THBS4: variants seen among roughly 807,000 people sequenced by gnomAD.
The protein encoded by THBS4 is thrombospondin 4, also known as thrombospondin-4.
In THBS4, 90 loss-of-function variants were observed where a neutral mutation model predicts 115.7. The ratio of observed to expected loss-of-function variants is 0.78; its 90% CI spans 0.66 to 0.93. The LOEUF (loss-of-function observed/expected upper bound fraction) is 0.93, where lower values mean the gene tolerates loss of function less well. Among genes scored for constraint, THBS4 ranks in the 40% least tolerant of loss-of-function variants. The pLI is 0.00. For missense variants in THBS4, 1,087 were observed against 1,232.7 expected, an observed-to-expected ratio of 0.88 and a Z score of 1.77; for synonymous variants, 460 against 479.3, an observed-to-expected ratio of 0.96 and a Z score of 0.53.
chr5:80,061,859 A>AT lies in THBS4; in HGVS notation c.1125+30dup, dbSNP rs756640805. ...TAGGCTGAAGTCATGGTTTCTATTC[A>AT]TTTCTCATCTTAACAAAACAACTGT... On this transcript the variant is annotated intron_variant, in intron 8 of 21. Coordinates refer to ENST00000350881, the MANE Select transcript of THBS4 (RefSeq NM_003248.6). The AT allele has an allele frequency of 1.4e-5, 23 of 1,586,706 alleles. No individual in the cohort carries two copies. The East Asian group carries it at 5.2e-4, about 36-fold the overall frequency.
At chr5:80,023,983 C>T (rs115415538) in intron 2 of THBS4, among the ~76,000 whole-genome samples, 1,769 of 152,134 alleles carry the variant, frequency 0.012, 41 homozygotes, top group African/African-American at 0.041. Flanking sequence ...CTAGGGCCCA[C>T]CTCCCCACAC....
In THBS4 at chr5:80,082,538, C is replaced by T. The variant is rs748171970; in HGVS notation, c.2817C>T (p.Arg939=). The T allele has an allele frequency of 1.7e-5, 28 of 1,614,072 alleles. No individual in the cohort carries two copies. The highest frequency in any genetic ancestry group is 2.7e-5 in the African/African-American group (2 of 74,926). Residue 939 remains arginine, a synonymous_variant, in exon 21 of 22, where the codon CGC becomes CGT. Coordinates refer to ENST00000350881, the MANE Select transcript of THBS4 (RefSeq NM_003248.6). ...ENIIWSNLKY[R]CNDTIPEDFQ... ...TCATCTGGTCCAACCTCAAGTATCG[C>T]TGCAATGGTAATGTGCATTCTCGTT...
At position 79,993,187 on chromosome 5, in the gene THBS4, C is replaced by A. The variant is rs142131440; in HGVS notation, n.81+1775C>A. Among the ~76,000 whole-genome samples, 453 of 152,330 alleles carry A rather than the reference C, an allele frequency of 3.0e-3. 5 individuals are homozygous for A. Among genetic ancestry groups the A allele is most frequent in the African/African-American group, 0.01 (424 of 41,570 alleles). On this transcript the variant is annotated intron_variant and non_coding_transcript_variant, in intron 1 of 3. Transcript: ENST00000510218. ...CATTTGCATTAAAGAGAAATTAAAT[C>A]TCTTCCCTTAGTGTTGAATTGAGAC...
At position 80,009,022 on chromosome 5, in the gene THBS4, G is replaced by C. The variant is rs536524074; in HGVS notation, n.177+10595G>C. 1.2e-4 allele frequency among the ~76,000 whole-genome samples: 19 copies of C among 152,326 alleles called. 1 individual carries two copies. In the South Asian group the frequency reaches 3.9e-3, roughly 32 times the overall value. On this transcript the variant is annotated intron_variant and non_coding_transcript_variant, in intron 2 of 3. Transcript: ENST00000510218. ...CAATGGAAATGGCTGAGGAACTAGA[G>C]AGCTGGTAGACGTGGGATTATTTTG...
At chr5:80,043,899 G>C (rs1002246716) in intron 2 of THBS4, among the ~76,000 whole-genome samples, 2 of 152,124 alleles carry the variant, frequency 1.3e-5, no homozygotes, top group African/African-American at 4.8e-5. Flanking sequence ...CTTCCACTCT[G>C]CATGGCCCCA....
At chr5:80,058,934 G>C in intron 5 of THBS4, 144 bp downstream of exon 5, 1 of 726,620 alleles carries the variant, frequency 1.4e-6, no homozygotes, top group Non-Finnish European at 2.2e-6. Flanking sequence ...GCACGCCAGG[G>C]CTCTGCTGGA....
chr5:80,046,845 G>C (rs1000244940), intron 2 of THBS4, among the ~76,000 whole-genome samples: 5 of 152,154 alleles, frequency 3.3e-5, no homozygotes, highest in Non-Finnish European at 7.3e-5. Flanking sequence ...TCAGTGACTT[G>C]AGCAAAGACA....
At chr5:79,995,363 C>A (rs952576719) in intron 1 of THBS4, among the ~76,000 whole-genome samples, 4 of 152,072 alleles carry the variant, frequency 2.6e-5, no homozygotes, top group Admixed American at 2.6e-4. Context: ...CACTTGGCAC[C>A]CTTCCGCTGA....
chr5:80,024,593 G>A (rs541748609), intron 2 of THBS4, among the ~76,000 whole-genome samples: 12 of 152,260 alleles, frequency 7.9e-5, no homozygotes, highest in Non-Finnish European at 1.3e-4. Context: ...TGGCTCCACC[G>A]TGCTGCCTCT....
intron 5 of THBS4, among the ~76,000 whole-genome samples, chr5:80,059,203 G>A (rs1833537943): frequency 1.3e-5 from 2 of 151,900 alleles, no homozygotes; most frequent in African/African-American, 4.8e-5. Flanking sequence ...GGTGGTGCAT[G>A]CCTATAATCC....
At chr5:80,078,279 C>A in intron 17 of THBS4, 52 bp downstream of exon 17, 1 of 1,414,016 alleles carries the variant, frequency 7.1e-7, no homozygotes, top group Non-Finnish European at 9.5e-7. Context: ...AACAGAGGCC[C>A]TTCTGATAGT....
chr5:80,076,873 G>A lies in THBS4; in HGVS notation c.1911G>A (p.Gln637=). Residue 637 remains glutamine (Q), a synonymous_variant, in exon 16 of 22, where the codon CAG becomes CAA. Coordinates refer to ENST00000350881, the MANE Select transcript of THBS4 (RefSeq NM_003248.6). The stretch of plus-strand genomic sequence containing the variant: ...CCTGCAGTGATGGAGATGGGCACCA[G>A]GACAGCACAGACAACTGCCCCACCG... ...TNQDSDGDGH[Q]DSTDNCPTVI... is the part of the protein sequence containing the mutation. 1 of 1,599,374 alleles carries A rather than the reference G, an allele frequency of 6.3e-7. No homozygotes were observed. The highest frequency in any genetic ancestry group is 8.5e-7 in the Non-Finnish European group (1 of 1,172,168).
intron 2 of THBS4, among the ~76,000 whole-genome samples, chr5:80,006,063 C>A (rs1028635938): frequency 6.6e-6 from 1 of 152,140 alleles, no homozygotes; most frequent in Non-Finnish European, 1.5e-5. Context: ...CCATGCCCGG[C>A]CTGTGGCATT....
chr5:80,002,745 GAAAAAA>G (rs56899578), intron 2 of THBS4, among the ~76,000 whole-genome samples: 2 of 100,380 alleles, frequency 2.0e-5, no homozygotes, highest in Non-Finnish European at 4.0e-5. Context: ...CCAGAAGGGA[GAAAAAA>G]AAAAAAAAAA....
chr5:80,009,836 A>C (rs569570423), intron 2 of THBS4, among the ~76,000 whole-genome samples: 1 of 152,308 alleles, frequency 6.6e-6, no homozygotes, highest in Admixed American at 6.5e-5. Context: ...TTTTTAAAAA[A>C]AGTTATGTTA....
chr5:80,031,687 A>G (rs1383205018), upstream of THBS4, among the ~76,000 whole-genome samples: 1 of 152,220 alleles, frequency 6.6e-6, no homozygotes, highest in Non-Finnish European at 1.5e-5. Context: ...GGCAAAGGCA[A>G]AGGTGCAGGA....
upstream of THBS4, among the ~76,000 whole-genome samples, chr5:80,030,605 G>T (rs1832566554): frequency 6.6e-6 from 1 of 152,158 alleles, no homozygotes. Context: ...CTGACCTTGT[G>T]ATCCACCGGC....
chr5:80,069,647 G>T (rs1218688202), intron 10 of THBS4, among the ~76,000 whole-genome samples: 1 of 152,230 alleles, frequency 6.6e-6, no homozygotes, highest in Non-Finnish European at 1.5e-5. Flanking sequence ...AAATGTATTT[G>T]TTCCTAGAGG....
chr5:80,072,682 G>A (rs766325432), intron 14 of THBS4: 3 of 387,892 alleles, frequency 7.7e-6, no homozygotes, highest in Non-Finnish European at 1.4e-5. Context: ...AAAGGAAAAC[G>A]GAGCATGGAA....
Sources: gnomAD v4.1 joint callset for allele counts (sites outside exome capture counted in the v4.1 genomes callset) on GRCh38, gnomAD v4.1.1 for gene constraint, MANE v1.5 for transcripts, NCBI Gene and HGNC (gene_info 2026-07-23, HGNC 2026-07-21) for gene names.